Variants in SMCO2 observed in about 807,000 individuals in gnomAD.
The protein encoded by SMCO2 is single-pass membrane and coiled-coil domain-containing protein 2.
SMCO2 carries 25 observed loss-of-function variants against 29.5 expected under a neutral mutation model. The ratio of observed to expected loss-of-function variants is 0.85; its 90% CI spans 0.62 to 1.18. SMCO2 has a LOEUF of 1.18. Among genes scored for constraint, SMCO2 ranks in the 50% most tolerant of loss-of-function variants. SMCO2 has a pLI of 0.00. For missense variants in SMCO2, 348 were observed against 344.5 expected, an observed-to-expected ratio of 1.01 and a Z score of -0.08; for synonymous variants, 117 against 123.3, an observed-to-expected ratio of 0.95 and a Z score of 0.34.
At chr12:27,483,770 G>T (rs1244966249) in intron 4 of SMCO2, among the ~76,000 whole-genome samples, 2 of 152,086 alleles carry the variant, frequency 1.3e-5, no homozygotes, top group Non-Finnish European at 2.9e-5. Flanking sequence ...TAAATAGAAT[G>T]ATTCTTAAAC....
Position 27,470,620 on chromosome 12 carries a change from A to G in SMCO2, c.-10-2A>G, listed in dbSNP as rs959250850. 3.2e-6 allele frequency: 5 copies of G among 1,550,472 alleles called. No individual in the cohort carries two copies. Among genetic ancestry groups the G allele is most frequent in the African/African-American group, 2.7e-5 (2 of 73,130 alleles). On this transcript the variant is annotated splice_acceptor_variant, in intron 1 of 7. Transcript: ENST00000298876. LOFTEE classifies it low-confidence loss of function (5UTR_SPLICE). ...CTCTTGTTGTCATTATTGTCCTTAC[A>G]GTGCCGAAGAAATGGCTCTCACGCC... is the stretch of plus-strand genomic sequence containing the variant.
chr12:27,434,509 C>G, the SMCO2 span, among the ~76,000 whole-genome samples: 1 of 152,078 alleles, frequency 6.6e-6, no homozygotes, highest in African/African-American at 2.4e-5. Context: ...AAACAATGAC[C>G]CTCCTTCTGT....
the SMCO2 span, chr12:27,424,197 G>A: frequency 6.6e-6 from 1 of 152,130 alleles, no homozygotes; most frequent in Non-Finnish European, 1.5e-5. Flanking sequence ...ATTATATTAA[G>A]TGGTTATTAT....
chr12:27,435,768 T>C, the SMCO2 span, among the ~76,000 whole-genome samples: 2 of 152,154 alleles, frequency 1.3e-5, no homozygotes, highest in Non-Finnish European at 2.9e-5. Context: ...ACACTAGAGA[T>C]ACCAGGCATC....
the SMCO2 span, chr12:27,425,311 G>C: frequency 2.6e-5 from 4 of 151,474 alleles, no homozygotes; most frequent in East Asian, 7.8e-4. Context: ...ACTTTCTAAT[G>C]TGGAAACATA....
At chr12:27,433,096 A>G in the SMCO2 span, among the ~76,000 whole-genome samples, 2 of 152,198 alleles carry the variant, frequency 1.3e-5, no homozygotes, top group Non-Finnish European at 2.9e-5. Flanking sequence ...TATCTTGTGG[A>G]ATTTGGTCTC....
chr12:27,440,575 A>C, the SMCO2 span, among the ~76,000 whole-genome samples: 3 of 152,128 alleles, frequency 2.0e-5, no homozygotes, highest in Admixed American at 2.0e-4. Context: ...GGCAATATTA[A>C]AATAAATTGA....
chr12:27,461,766 T>G, the SMCO2 span, among the ~76,000 whole-genome samples: 1 of 152,264 alleles, frequency 6.6e-6, no homozygotes, highest in Admixed American at 6.5e-5. Context: ...TCCCTTGCCT[T>G]GGCATTTAAG....
chr12:27,448,538 C>T, the SMCO2 span, among the ~76,000 whole-genome samples: 2,405 of 152,300 alleles, frequency 0.016, 23 homozygotes, highest in Non-Finnish European at 0.023. Context: ...GGCATTGTGT[C>T]AGAAGAACAA....
chr12:27,429,722 A>T, the SMCO2 span, among the ~76,000 whole-genome samples: 3 of 152,208 alleles, frequency 2.0e-5, no homozygotes, highest in South Asian at 2.1e-4. Flanking sequence ...GACAGCTAAC[A>T]TCCCTTCTAG....
At chr12:27,435,288 C>G in the SMCO2 span, among the ~76,000 whole-genome samples, 5 of 16,182 alleles carry the variant, frequency 3.1e-4, 1 homozygote, top group Non-Finnish European at 2.0e-3. Flanking sequence ...CAGAACCCCC[C>G]CCCCCCCCCC....
chr12:27,468,508 C>T (rs1265641725), intron 1 of SMCO2, among the ~76,000 whole-genome samples: 2 of 152,218 alleles, frequency 1.3e-5, no homozygotes, highest in Admixed American at 6.5e-5. Context: ...CTAGAAAATT[C>T]TGAGTTGTCC....
the SMCO2 span, among the ~76,000 whole-genome samples, chr12:27,444,746 A>C: frequency 1.3e-5 from 2 of 152,228 alleles, no homozygotes; most frequent in Non-Finnish European, 2.9e-5. Context: ...TGGGAGTATA[A>C]GTTAGTACCA....
chr12:27,487,028 T>C (rs1037242909), intron 4 of SMCO2, among the ~76,000 whole-genome samples: 1 of 152,228 alleles, frequency 6.6e-6, no homozygotes, highest in Admixed American at 6.5e-5. Flanking sequence ...AACTTGGGTA[T>C]GCCATCAAAA....
At chr12:27,463,731 C>G (rs1949476053), upstream of SMCO2, among the ~76,000 whole-genome samples, 1 of 152,106 alleles carries the variant, frequency 6.6e-6, no homozygotes, top group African/African-American at 2.4e-5. Context: ...TGAAAATAAG[C>G]AAACAAACAA....
At chr12:27,468,778 C>G (rs1278913668) in intron 1 of SMCO2, among the ~76,000 whole-genome samples, 1 of 152,174 alleles carries the variant, frequency 6.6e-6, no homozygotes, top group Admixed American at 6.5e-5. Flanking sequence ...TTATATCTGA[C>G]TCTAAGTAAA....
chr12:27,463,473 G>C (rs1949473995), upstream of SMCO2, among the ~76,000 whole-genome samples: 1 of 152,010 alleles, frequency 6.6e-6, no homozygotes, highest in South Asian at 2.1e-4. Context: ...CACCACGTTG[G>C]CCAGGCTGGT....
the SMCO2 span, among the ~76,000 whole-genome samples, chr12:27,440,170 A>G: frequency 6.6e-6 from 1 of 152,212 alleles, no homozygotes; most frequent in Non-Finnish European, 1.5e-5. Context: ...CAGAAACCAC[A>G]GGGGCCAGGA....
At chr12:27,451,097 A>G in the SMCO2 span, among the ~76,000 whole-genome samples, 3 of 152,256 alleles carry the variant, frequency 2.0e-5, no homozygotes, top group Admixed American at 6.5e-5. Flanking sequence ...TTATTTTACT[A>G]CTACAGATAG....
Sources: allele counts gnomAD v4.1 joint callset (sites outside exome capture counted in the v4.1 genomes callset), GRCh38; gene constraint gnomAD v4.1.1; transcripts MANE v1.5; gene names NCBI Gene and HGNC (gene_info 2026-07-23, HGNC 2026-07-21).